Variants in SAMMSON observed in about 807,000 individuals in gnomAD.
SAMMSON encodes survival associated mitochondrial melanoma specific oncogenic non-coding RNA.
chr3:70,265,292 G>C (rs1467708744), intron 6 of SAMMSON, among the ~76,000 whole-genome samples: 4 of 152,120 alleles, frequency 2.6e-5, no homozygotes, highest in Admixed American at 6.5e-5. Context: ...GAAGAAGGGA[G>C]AAAAAACTAA....
At chr3:70,322,864 T>A (rs895683994) in intron 7 of SAMMSON, among the ~76,000 whole-genome samples, 3 of 151,618 alleles carry the variant, frequency 2.0e-5, no homozygotes. Flanking sequence ...TTAGTAAAGT[T>A]AAAACCACAC....
At chr3:70,205,767 A>T (rs1371219631) in intron 4 of SAMMSON, 1 of 152,128 alleles carries the variant, frequency 6.6e-6, no homozygotes, top group African/African-American at 2.4e-5. Flanking sequence ...ATATGTATTT[A>T]AATGTAGACC....
chr3:70,118,883 C>G (rs1171167009), intron 4 of SAMMSON, among the ~76,000 whole-genome samples: 1 of 152,102 alleles, frequency 6.6e-6, no homozygotes, highest in Non-Finnish European at 1.5e-5. Flanking sequence ...AGTCTGAAGC[C>G]TATCCTATAA....
At chr3:70,135,543 A>G (rs902430365) in intron 4 of SAMMSON, among the ~76,000 whole-genome samples, 9 of 152,310 alleles carry the variant, frequency 5.9e-5, no homozygotes, top group African/African-American at 4.8e-5. Context: ...GCATTTTTGC[A>G]TAAGTCTTTT....
intron 9 of SAMMSON, among the ~76,000 whole-genome samples, chr3:70,371,371 G>C (rs1422214638): frequency 1.3e-5 from 2 of 151,940 alleles, no homozygotes; most frequent in East Asian, 3.9e-4. Flanking sequence ...TATTTTGACA[G>C]GGATTGCCTT....
At chr3:70,352,599 G>T (rs1702801746) in intron 7 of SAMMSON, among the ~76,000 whole-genome samples, 1 of 152,018 alleles carries the variant, frequency 6.6e-6, no homozygotes, top group Admixed American at 6.6e-5. Flanking sequence ...AACAGTATGG[G>T]TAAATCCAAT....
intron 3 of SAMMSON, among the ~76,000 whole-genome samples, chr3:70,050,285 A>G (rs1427865772): frequency 6.6e-6 from 1 of 152,178 alleles, no homozygotes; most frequent in Non-Finnish European, 1.5e-5. Context: ...GTCTGCTGCA[A>G]TGAATTTCTG....
At chr3:70,179,461 G>T (rs144940878) in intron 4 of SAMMSON, among the ~76,000 whole-genome samples, 1 of 152,202 alleles carries the variant, frequency 6.6e-6, no homozygotes, top group Non-Finnish European at 1.5e-5. Context: ...GAAGCCCAGC[G>T]CCCTGCTCCC....
downstream of SAMMSON, among the ~76,000 whole-genome samples, chr3:70,391,823 G>A (rs908484570): frequency 1.3e-5 from 2 of 152,070 alleles, no homozygotes; most frequent in South Asian, 2.1e-4. Flanking sequence ...ACTTACTGAC[G>A]CATCATGGCA....
intron 4 of SAMMSON, among the ~76,000 whole-genome samples, chr3:70,181,327 G>A (rs1249830572): frequency 6.6e-6 from 1 of 152,160 alleles, no homozygotes; most frequent in Non-Finnish European, 1.5e-5. Flanking sequence ...TTAAGCTAAA[G>A]GAATAAAACT....
intron 3 of SAMMSON, among the ~76,000 whole-genome samples, chr3:70,018,392 T>C (rs1000403901): frequency 6.6e-6 from 1 of 152,200 alleles, no homozygotes; most frequent in Non-Finnish European, 1.5e-5. Context: ...TAGTATTTTA[T>C]GGTAGTTTGT....
At chr3:70,298,785 C>T (rs975700691) in intron 7 of SAMMSON, among the ~76,000 whole-genome samples, 8 of 152,070 alleles carry the variant, frequency 5.3e-5, no homozygotes, top group African/African-American at 1.9e-4. Context: ...GATTTCAAAG[C>T]AGAGTCTATG....
At chr3:70,170,397 A>G (rs900911716) in intron 4 of SAMMSON, among the ~76,000 whole-genome samples, 10 of 151,838 alleles carry the variant, frequency 6.6e-5, no homozygotes, top group Non-Finnish European at 1.5e-4. Flanking sequence ...AATGTCTGGA[A>G]TCTGGCGGAA....
rs146034320 is a variant in SAMMSON, at chr3:70,020,296, T to G, written n.417+6624T>G. ...TTTCCACAATCAAGAGCTAAGAGATTAATGCAGAAAGCAAAAATTCAACAG... is the reference window on the plus strand; with the variant it reads ...TTTCCACAATCAAGAGCTAAGAGATGAATGCAGAAAGCAAAAATTCAACAG... On this transcript the variant is annotated intron_variant and non_coding_transcript_variant, in intron 3 of 9. Coordinates refer to ENST00000642114, the Ensembl canonical transcript of SAMMSON. Among the ~76,000 whole-genome samples the G allele has an allele frequency of 3.9e-5, 6 of 152,250 alleles. No individual in the cohort carries two copies. The South Asian group carries it at 1.0e-3, about 26-fold the overall frequency.
chr3:70,322,611 AG>A (rs1189291411), intron 7 of SAMMSON, among the ~76,000 whole-genome samples: 12 of 152,178 alleles, frequency 7.9e-5, no homozygotes, highest in Admixed American at 4.6e-4. Context: ...GTCTTAAAGC[AG>A]GATATTTAAA....
chr3:70,244,323 T>G (rs1260947181), intron 4 of SAMMSON, among the ~76,000 whole-genome samples: 1 of 152,318 alleles, frequency 6.6e-6, no homozygotes, highest in East Asian at 1.9e-4. Flanking sequence ...CTTTTTCATG[T>G]TTAACATTTT....
intron 2 of SAMMSON, among the ~76,000 whole-genome samples, chr3:70,410,443 C>G (rs1701209211): frequency 6.6e-6 from 1 of 152,120 alleles, no homozygotes; most frequent in African/African-American, 2.4e-5. Context: ...CTAAGGATAT[C>G]AAGTACGTGG....
At chr3:70,391,376 G>C (rs967806639), downstream of SAMMSON, among the ~76,000 whole-genome samples, 6 of 152,004 alleles carry the variant, frequency 3.9e-5, no homozygotes, top group Non-Finnish European at 8.8e-5. Context: ...CATAATATTT[G>C]GTTGTATTTT....
chr3:70,330,823 T>C (rs374833380), intron 7 of SAMMSON, among the ~76,000 whole-genome samples: 1 of 152,230 alleles, frequency 6.6e-6, no homozygotes, highest in East Asian at 1.9e-4. Context: ...ATCATTTAAA[T>C]TTGTACACAA....
Sources: allele counts gnomAD v4.1 joint callset (sites outside exome capture counted in the v4.1 genomes callset), GRCh38; gene constraint gnomAD v4.1.1; transcripts MANE v1.5; gene names NCBI Gene and HGNC (gene_info 2026-07-23, HGNC 2026-07-21).